The following PDE10A variants were observed in gnomAD, a reference collection of about 807,000 sequenced individuals.
PDE10A encodes phosphodiesterase 10A.
Under a neutral mutation model 97.7 loss-of-function variants are expected in PDE10A, and 39 were observed. The observed-to-expected ratio is 0.40, with a 90% confidence interval of 0.31 to 0.52. PDE10A has a LOEUF of 0.52. Ranked by LOEUF, PDE10A falls within the 20% of genes least tolerant of loss-of-function variation. The pLI, the probability that PDE10A is intolerant of heterozygous loss-of-function variation, is 0.56. For synonymous variants in PDE10A, 371 were observed against 376.8 expected (o/e 0.98, Z 0.18); for missense variants, 731 against 1,047.8 (o/e 0.70, Z 4.17).
intron 1 of PDE10A, among the ~76,000 whole-genome samples, chr6:165,746,552 G>A (rs1483549403): frequency 6.6e-6 from 1 of 152,244 alleles, no homozygotes; most frequent in East Asian, 1.9e-4. Context: ...GTGAGGGTGT[G>A]TCCCGAGTGC....
chr6:165,432,360 G>GA (rs1313286786), intron 7 of PDE10A, among the ~76,000 whole-genome samples: 1 of 152,072 alleles, frequency 6.6e-6, no homozygotes, highest in Non-Finnish European at 1.5e-5. Context: ...GTGGAGAGAA[G>GA]AAAAAATGCA....
At chr6:165,826,029 C>A (rs146779052) in intron 1 of PDE10A, among the ~76,000 whole-genome samples, 2 of 152,320 alleles carry the variant, frequency 1.3e-5, no homozygotes, top group Admixed American at 6.5e-5. Context: ...TGAGACACCC[C>A]CTGTGACCTC....
chr6:165,423,846 C>T (rs1213200948), intron 10 of PDE10A, among the ~76,000 whole-genome samples: 1 of 126,478 alleles, frequency 7.9e-6, no homozygotes, highest in African/African-American at 3.0e-5. Context: ...GAGACTATGT[C>T]TCAGGAAAAA....
chr6:165,412,815 C>G (rs1038490924), intron 13 of PDE10A, among the ~76,000 whole-genome samples: 1 of 152,090 alleles, frequency 6.6e-6, no homozygotes, highest in Admixed American at 6.6e-5. Flanking sequence ...ATGAAAAGAT[C>G]ACCATACTAA....
chr6:165,497,265 A>ACCATC (rs369676450), intron 2 of PDE10A, among the ~76,000 whole-genome samples: 1 of 152,134 alleles, frequency 6.6e-6, no homozygotes, highest in African/African-American at 2.4e-5. Flanking sequence ...ACAGAATGAC[A>ACCATC]CCATCCCATC....
intron 18 of PDE10A, among the ~76,000 whole-genome samples, chr6:165,344,629 T>C (rs1782189163): frequency 6.6e-6 from 1 of 152,316 alleles, no homozygotes; most frequent in South Asian, 2.1e-4. Context: ...TCTGCTCTAG[T>C]AGTGCTCTTA....
chr6:165,357,488 GAAGCTGT>G (rs1783098670), intron 18 of PDE10A, among the ~76,000 whole-genome samples: 1 of 152,102 alleles, frequency 6.6e-6, no homozygotes, highest in African/African-American at 2.4e-5. Flanking sequence ...AACCCCACAT[GAAGCTGT>G]TGAGGCCTGG....
In PDE10A at chr6:165,628,747, A is replaced by T. The variant is rs1788498758; in HGVS notation, c.865+33200T>A. Among the ~76,000 whole-genome samples, 4 of 152,150 alleles carry T rather than the reference A, an allele frequency of 2.6e-5. No homozygotes were observed. In the South Asian group the frequency reaches 8.3e-4, roughly 31 times the overall value. On this transcript the variant is annotated intron_variant, in intron 1 of 21. Coordinates refer to ENST00000539869, the MANE Select transcript of PDE10A (RefSeq NM_001385079.1). ...AAACAAAATTTTAATTTCAACCCAA[A>T]ATGGTTAATTTTTAAAGTGTAGTGC...
At chr6:165,647,527 C>T (rs4394187) in intron 1 of PDE10A, among the ~76,000 whole-genome samples, 20,503 of 152,012 alleles carry the variant, frequency 0.13, 1,457 homozygotes, top group South Asian at 0.27. Flanking sequence ...TAATGACAAT[C>T]CCCTTTTTTT....
chr6:165,595,396 A>G lies in PDE10A; in HGVS notation c.866-51828T>C, dbSNP rs118024248. ...ACAGATGGACATCTGCAAAGTTAATAAAGACAGGCCTGTAGAACAATCAAA... is the reference window on the plus strand; with the variant it reads ...ACAGATGGACATCTGCAAAGTTAATGAAGACAGGCCTGTAGAACAATCAAA... On this transcript the variant is annotated intron_variant, in intron 1 of 21. Coordinates refer to ENST00000539869, the MANE Select transcript of PDE10A (RefSeq NM_001385079.1). Among the ~76,000 whole-genome samples the G allele has an allele frequency of 2.2e-3, 337 of 152,350 alleles. 7 individuals carry two copies. The East Asian group carries it at 0.048, about 22-fold the overall frequency.
chr6:165,438,429 C>A (rs1790196451), intron 5 of PDE10A, among the ~76,000 whole-genome samples: 1 of 152,124 alleles, frequency 6.6e-6, no homozygotes, highest in Non-Finnish European at 1.5e-5. Flanking sequence ...CTCAGGTGAT[C>A]CACCCGCCTC....
intron 1 of PDE10A, among the ~76,000 whole-genome samples, chr6:165,800,961 G>A (rs903501232): frequency 1.3e-5 from 2 of 152,144 alleles, no homozygotes; most frequent in African/African-American, 4.8e-5. Context: ...CCATCACCTG[G>A]CTCCTGGCCT....
chr6:165,418,485 G>C lies in PDE10A; in HGVS notation c.1796+150C>G. 2 of 676,938 alleles carry C rather than the reference G, an allele frequency of 3.0e-6. No individual in the cohort carries two copies. Among genetic ancestry groups the C allele is most frequent in the South Asian group, 4.4e-5 (2 of 45,524 alleles). The allele number at this position is 676,938 out of a possible 1,614,324, so 41.9% of individuals were successfully genotyped here. A position where few individuals can be genotyped will look rare whatever the true frequency, so the allele number is the denominator to read the frequency against. ...ACTGCCTGCAATGTCATTCCCAGAA[G>C]TACTACCTTCAGGAGGCGGGTCCTG... On this transcript the variant is annotated intron_variant, in intron 11 of 21. Transcript: ENST00000539869. The surrounding 1 kb of genome is among the most constrained non-coding windows in gnomAD (Gnocchi z 4.8).
At chr6:165,987,049 G>C (rs554143475) in intron 1 of PDE10A, among the ~76,000 whole-genome samples, 156 of 152,264 alleles carry the variant, frequency 1.0e-3, no homozygotes, top group African/African-American at 3.6e-3. Context: ...CTGAGAACTG[G>C]AGAAGGGCGG....
At chr6:165,681,707 G>C (rs1192400474) in intron 1 of PDE10A, among the ~76,000 whole-genome samples, 4 of 152,128 alleles carry the variant, frequency 2.6e-5, no homozygotes, top group Non-Finnish European at 5.9e-5. Context: ...GAAGTGTTTT[G>C]AAATACACTG....
chr6:165,434,012 G>A (rs1224849653), intron 6 of PDE10A, among the ~76,000 whole-genome samples: 10 of 82,472 alleles, frequency 1.2e-4, no homozygotes, highest in Non-Finnish European at 1.6e-4. Context: ...GCGAGACTCC[G>A]TCTCAAAAAA....
chr6:165,811,683 C>T (rs1779286723), intron 1 of PDE10A, among the ~76,000 whole-genome samples: 1 of 152,148 alleles, frequency 6.6e-6, no homozygotes, highest in Non-Finnish European at 1.5e-5. Context: ...CTGCTTAGCT[C>T]CTGCTCCTGA....
At chr6:165,771,654 TA>T (rs35902541) in intron 1 of PDE10A, among the ~76,000 whole-genome samples, 2,045 of 106,294 alleles carry the variant, frequency 0.019, 25 homozygotes, top group Middle Eastern at 0.031. Flanking sequence ...TTTAACAAGA[TA>T]AAAAAAAAAA....
At chr6:165,417,836 CTTAA>C (rs1301849333) in intron 11 of PDE10A, among the ~76,000 whole-genome samples, 1 of 152,124 alleles carries the variant, frequency 6.6e-6, no homozygotes, top group Non-Finnish European at 1.5e-5. Flanking sequence ...AACAGCAATC[CTTAA>C]TTAAGAAGAC....
Sources: gnomAD v4.1 joint callset for allele counts (sites outside exome capture counted in the v4.1 genomes callset) on GRCh38, gnomAD v4.1.1 for gene constraint, Gnocchi (gnomAD v3.1) non-coding constraint, MANE v1.5 for transcripts, NCBI Gene and HGNC (gene_info 2026-07-23, HGNC 2026-07-21) for gene names.